The following TANC2 variants were observed in gnomAD, a reference collection of about 807,000 sequenced individuals.
TANC2 encodes the protein protein TANC2.
In TANC2, 26 loss-of-function variants were observed where a neutral mutation model predicts 210.5. The ratio of observed to expected loss-of-function variants is 0.12; its 90% CI spans 0.09 to 0.17. The LOEUF (loss-of-function observed/expected upper bound fraction) is 0.17. Ranked by LOEUF, TANC2 falls within the 10% of genes least tolerant of loss-of-function variation. The probability of loss-of-function intolerance (pLI) is 1.00; values close to 1 mark genes in which losing one functional copy is unlikely to be tolerated. For missense variants in TANC2, 2,129 were observed against 2,608.9 expected, an observed-to-expected ratio of 0.82 and a Z score of 4.01; for synonymous variants, 931 against 967.1, an observed-to-expected ratio of 0.96 and a Z score of 0.69.
intron 3 of TANC2, among the ~76,000 whole-genome samples, chr17:63,097,728 C>G (rs1014692194): frequency 2.0e-5 from 3 of 152,128 alleles, no homozygotes; most frequent in Non-Finnish European, 2.9e-5. Flanking sequence ...GAAATATTTT[C>G]TCCCATTATG....
chr17:63,398,169 A>T (rs2048229130), intron 18 of TANC2, among the ~76,000 whole-genome samples: 1 of 152,158 alleles, frequency 6.6e-6, no homozygotes, highest in Admixed American at 6.5e-5. Context: ...ACAGGGCCAG[A>T]TGCAGTGGCT....
chr17:63,330,163 A>T (rs1238516698), intron 11 of TANC2, among the ~76,000 whole-genome samples: 2 of 152,234 alleles, frequency 1.3e-5, no homozygotes, highest in African/African-American at 4.8e-5. Context: ...GTAAGGCCCT[A>T]ACTCTCTTCA....
chr17:63,278,926 T>C (rs1184873281), intron 9 of TANC2, among the ~76,000 whole-genome samples: 2 of 152,112 alleles, frequency 1.3e-5, no homozygotes, highest in Non-Finnish European at 2.9e-5. Flanking sequence ...GAATAGTGGT[T>C]GCCAGGAGCT....
chr17:63,087,378 G>T (rs2037011155), intron 3 of TANC2, among the ~76,000 whole-genome samples: 1 of 152,118 alleles, frequency 6.6e-6, no homozygotes, highest in Non-Finnish European at 1.5e-5. Flanking sequence ...GTGAGCCTGT[G>T]CCCCTTCCCT....
intron 14 of TANC2, among the ~76,000 whole-genome samples, chr17:63,359,609 A>T (rs1258142373): frequency 6.6e-6 from 1 of 152,066 alleles, no homozygotes; most frequent in Admixed American, 6.6e-5. Flanking sequence ...CAGCCTCCCA[A>T]AGTGCTAGGA....
chr17:63,339,230 C>G (rs1255086428), intron 11 of TANC2, among the ~76,000 whole-genome samples: 2 of 152,148 alleles, frequency 1.3e-5, no homozygotes, highest in African/African-American at 4.8e-5. Context: ...TGAATCTCCC[C>G]CTTCCAGTTT....
At chr17:63,260,541 T>C (rs1194239862) in intron 8 of TANC2, among the ~76,000 whole-genome samples, 4 of 152,230 alleles carry the variant, frequency 2.6e-5, no homozygotes, top group Admixed American at 2.0e-4. Flanking sequence ...CCCAGCACTT[T>C]GGGAGACCAA....
At chr17:63,085,017 A>G (rs907976389) in intron 3 of TANC2, among the ~76,000 whole-genome samples, 2 of 152,148 alleles carry the variant, frequency 1.3e-5, no homozygotes, top group African/African-American at 4.8e-5. Flanking sequence ...TGTTGAGTTC[A>G]ACTGTGTCCT....
At chr17:63,396,066 G>T (rs2048146991) in intron 18 of TANC2, 138 bp downstream of exon 18, 5 of 787,952 alleles carry the variant, frequency 6.3e-6, no homozygotes, top group Non-Finnish European at 9.9e-6. Context: ...ATAATAAGGA[G>T]ATTAAACTCC....
intron 21 of TANC2, among the ~76,000 whole-genome samples, chr17:63,407,360 C>T (rs2048545592): frequency 6.6e-6 from 1 of 152,158 alleles, no homozygotes; most frequent in African/African-American, 2.4e-5. Flanking sequence ...AAGGTTGGGC[C>T]TAGATTCTCA....
At chr17:63,400,505 A>C (rs570207297) in intron 19 of TANC2, among the ~76,000 whole-genome samples, 2 of 152,316 alleles carry the variant, frequency 1.3e-5, no homozygotes, top group Admixed American at 1.3e-4. Context: ...GATTTTAAAA[A>C]ATCAAAACTT....
rs893896554 is a variant in TANC2, at chr17:62,966,335, G to A, written c.-438G>A. Among the ~76,000 whole-genome samples, 2 of 146,840 alleles carry A rather than the reference G, an allele frequency of 1.4e-5. No individual in the cohort carries two copies. The highest frequency in any genetic ancestry group is 4.0e-4 in the East Asian group (2 of 5,044). On this transcript the variant is annotated 5_prime_UTR_variant, in exon 1 of 28. Coordinates refer to ENST00000689528, the Ensembl canonical transcript of TANC2. This position sits in a 1 kb window ranked among gnomAD's most constrained non-coding sequence, Gnocchi z 5.1. The stretch of plus-strand genomic sequence containing the variant: ...CCTCGCGCGAGCCGCCCGCCCGGCG[G>A]GGGAAGCTGCGAGCGCTCCGAGCGC...
chr17:63,379,754 C>G (rs2047545856), exon 15 of TANC2: 1 of 1,612,790 alleles, frequency 6.2e-7, no homozygotes, highest in Non-Finnish European at 8.5e-7. Flanking sequence ...GGTTTTCCCG[C>G]CAAGAGGGAA....
At chr17:63,358,289 C>T (rs1336657893) in intron 14 of TANC2, among the ~76,000 whole-genome samples, 3 of 151,076 alleles carry the variant, frequency 2.0e-5, no homozygotes, top group Admixed American at 2.0e-4. Flanking sequence ...AATGACCTAA[C>T]GTTACATAGA....
chr17:63,284,043 T>C (rs2044145267), intron 9 of TANC2, among the ~76,000 whole-genome samples: 1 of 151,980 alleles, frequency 6.6e-6, no homozygotes, highest in Non-Finnish European at 1.5e-5. Context: ...TTTCTTGGTC[T>C]TAGGTGGAAA....
At chr17:63,272,757 A>G (rs1283385654) in intron 9 of TANC2, among the ~76,000 whole-genome samples, 3 of 152,142 alleles carry the variant, frequency 2.0e-5, no homozygotes, top group Non-Finnish European at 4.4e-5. Flanking sequence ...TAGAGATGGT[A>G]GTTAATGCTT....
At chr17:63,387,570 T>G (rs1042692260) in intron 15 of TANC2, among the ~76,000 whole-genome samples, 7 of 152,212 alleles carry the variant, frequency 4.6e-5, no homozygotes, top group African/African-American at 1.7e-4. Context: ...AGAAGTAGCT[T>G]AAGTTTTTAA....
chr17:63,058,472 T>C (rs982884016), intron 2 of TANC2, among the ~76,000 whole-genome samples: 7 of 152,200 alleles, frequency 4.6e-5, no homozygotes, highest in Non-Finnish European at 1.0e-4. Context: ...TTGCTTTTGG[T>C]GTCTTTGCCA....
At chr17:63,326,949 A>G (rs1164124082) in intron 11 of TANC2, among the ~76,000 whole-genome samples, 1 of 152,224 alleles carries the variant, frequency 6.6e-6, no homozygotes, top group Non-Finnish European at 1.5e-5. Context: ...GACAATTCAC[A>G]GAAGGGGAGA....
Sources: gnomAD v4.1 joint callset for allele counts (sites outside exome capture counted in the v4.1 genomes callset) on GRCh38, gnomAD v4.1.1 for gene constraint, Gnocchi (gnomAD v3.1) non-coding constraint, MANE v1.5 for transcripts, NCBI Gene and HGNC (gene_info 2026-07-23, HGNC 2026-07-21) for gene names.